The following DNAAF11 variants were observed in gnomAD, a reference collection of about 807,000 sequenced individuals.
DNAAF11 encodes leucine rich repeat containing 6.
Under a neutral mutation model 60.8 loss-of-function variants are expected in DNAAF11, and 45 were observed. That is an observed-to-expected ratio of 0.74 (90% CI 0.58 to 0.95). The LOEUF (loss-of-function observed/expected upper bound fraction) is 0.95, where lower values mean the gene tolerates loss of function less well. Ranked by LOEUF, DNAAF11 falls within the 40% of genes least tolerant of loss-of-function variation. DNAAF11 has a pLI of 0.00. For synonymous variants in DNAAF11, 191 were observed against 183.5 expected, an observed-to-expected ratio of 1.04 and a Z score of -0.33; for missense variants, 546 against 546.2, an observed-to-expected ratio of 1.00 and a Z score of 0.00.
chr8:132,606,734 C>T (rs1419560712), intron 10 of DNAAF11, among the ~76,000 whole-genome samples: 1 of 152,154 alleles, frequency 6.6e-6, no homozygotes, highest in African/African-American at 2.4e-5. Flanking sequence ...AGGCTGGTCT[C>T]AAGCTCCTGG....
intron 11 of DNAAF11, among the ~76,000 whole-genome samples, chr8:132,575,045 G>A (rs960811120): frequency 6.6e-6 from 1 of 152,176 alleles, no homozygotes; most frequent in African/African-American, 2.4e-5. Context: ...TTATGACACA[G>A]TAAACCCACA....
the DNAAF11 span, among the ~76,000 whole-genome samples, chr8:132,691,874 C>A: frequency 6.6e-6 from 1 of 152,062 alleles, no homozygotes; most frequent in African/African-American, 2.4e-5. Flanking sequence ...GGATTATGAA[C>A]AAGGGGGATG....
At chr8:132,649,697 A>G (rs551658186) in intron 3 of DNAAF11, among the ~76,000 whole-genome samples, 36 of 152,340 alleles carry the variant, frequency 2.4e-4, no homozygotes, top group Non-Finnish European at 4.0e-4. Flanking sequence ...CCCATCAACA[A>G]GTGGGTGAAG....
At chr8:132,641,823 A>G (rs1054380890) in intron 3 of DNAAF11, among the ~76,000 whole-genome samples, 9 of 152,238 alleles carry the variant, frequency 5.9e-5, no homozygotes, top group Non-Finnish European at 1.3e-4. Context: ...ATGGTTAAGC[A>G]AACTCTAATA....
chr8:132,609,529 G>T (rs1382934482), intron 10 of DNAAF11, among the ~76,000 whole-genome samples: 1 of 152,060 alleles, frequency 6.6e-6, no homozygotes, highest in African/African-American at 2.4e-5. Flanking sequence ...GACTTGGTGG[G>T]CTCTTCAGCT....
the DNAAF11 span, chr8:132,702,139 A>G: frequency 6.6e-6 from 1 of 152,226 alleles, no homozygotes; most frequent in African/African-American, 2.4e-5. Flanking sequence ...CCACTATATA[A>G]GCTTACTTTC....
intron 3 of DNAAF11, among the ~76,000 whole-genome samples, chr8:132,639,466 A>G (rs2130564491): frequency 6.6e-6 from 1 of 152,238 alleles, no homozygotes; most frequent in East Asian, 1.9e-4. Flanking sequence ...TTCTGTGGCT[A>G]TATAAATTTA....
At chr8:132,626,303 G>A (rs1406399689) in intron 5 of DNAAF11, among the ~76,000 whole-genome samples, 5 of 152,024 alleles carry the variant, frequency 3.3e-5, no homozygotes, top group Non-Finnish European at 5.9e-5. Context: ...CACCCGCCTC[G>A]GCCTCCCAAA....
rs550096738 is a variant in DNAAF11, at chr8:132,581,203, A to G, written c.1226+2491T>C. ...GTGAAAAGCAAAAGTATAAAGCCTT[A>G]CAACATAAAGGACTACTTTTATGAC... On this transcript the variant is annotated intron_variant, in intron 11 of 11. Coordinates refer to ENST00000620350, the MANE Select transcript of DNAAF11 (RefSeq NM_012472.6). Among the ~76,000 whole-genome samples, 13 of 152,368 alleles carry G rather than the reference A, an allele frequency of 8.5e-5. No individual in the cohort carries two copies. In the South Asian group the frequency reaches 2.7e-3, roughly 32 times the overall value.
intron 10 of DNAAF11, among the ~76,000 whole-genome samples, chr8:132,600,261 C>G (rs562238488): frequency 6.6e-6 from 1 of 151,928 alleles, no homozygotes; most frequent in South Asian, 2.1e-4. Flanking sequence ...CACTGCTCAA[C>G]AAAATAAAAG....
chr8:132,656,959 C>A (rs767578897), intron 2 of DNAAF11, 52 bp from the exon 3 acceptor site: 2 of 639,642 alleles, frequency 3.1e-6, no homozygotes, highest in Non-Finnish European at 5.4e-6. Flanking sequence ...AATAAAGACA[C>A]TTTTATGTAA....
chr8:132,606,676 TAA>T (rs199805268), intron 10 of DNAAF11, among the ~76,000 whole-genome samples: 23,996 of 152,016 alleles, frequency 0.16, 2,942 homozygotes, highest in African/African-American at 0.34. Context: ...TGGCTAATTT[TAA>T]TTTTAATTTT....
intron 1 of DNAAF11, among the ~76,000 whole-genome samples, chr8:132,661,889 C>T (rs181164739): frequency 1.2e-4 from 19 of 152,156 alleles, no homozygotes; most frequent in Admixed American, 7.9e-4. Flanking sequence ...ATACATTTTG[C>T]TGTATGGATG....
At chr8:132,624,946 A>G (rs1424632542) in intron 6 of DNAAF11, among the ~76,000 whole-genome samples, 1 of 150,504 alleles carries the variant, frequency 6.6e-6, no homozygotes, top group Non-Finnish European at 1.5e-5. Context: ...TCATTCCACA[A>G]AATGACCTTT....
At chr8:132,661,319 C>A (rs1399717268) in intron 2 of DNAAF11, 141 bp downstream of exon 2, 24 of 692,404 alleles carry the variant, frequency 3.5e-5, no homozygotes, top group Non-Finnish European at 2.4e-6. Context: ...GCCCCCCACA[C>A]AACCACTGAG....
chr8:132,642,478 C>T (rs1821956914), intron 3 of DNAAF11, among the ~76,000 whole-genome samples: 1 of 152,212 alleles, frequency 6.6e-6, no homozygotes, highest in Non-Finnish European at 1.5e-5. Flanking sequence ...ACCAGTGAAG[C>T]TCTGGGGCTG....
chr8:132,681,274 T>C, the DNAAF11 span, among the ~76,000 whole-genome samples: 1 of 151,348 alleles, frequency 6.6e-6, no homozygotes, highest in South Asian at 2.1e-4. Context: ...TCTCCCGAAG[T>C]GCTGGGATTA....
At chr8:132,624,001 C>A (rs1171930322) in intron 6 of DNAAF11, among the ~76,000 whole-genome samples, 1 of 152,146 alleles carries the variant, frequency 6.6e-6, no homozygotes, top group African/African-American at 2.4e-5. Context: ...CTCAGATCTC[C>A]ATCCAATTCA....
chr8:132,601,571 C>T (rs1241670732), intron 10 of DNAAF11, among the ~76,000 whole-genome samples: 2 of 152,128 alleles, frequency 1.3e-5, no homozygotes, highest in African/African-American at 2.4e-5. Flanking sequence ...GACACATATA[C>T]ACCATGGAAT....
Sources: gnomAD v4.1 joint callset for allele counts (sites outside exome capture counted in the v4.1 genomes callset) on GRCh38, gnomAD v4.1.1 for gene constraint, MANE v1.5 for transcripts, NCBI Gene and HGNC (gene_info 2026-07-23, HGNC 2026-07-21) for gene names.